Variants in SMAP1 observed in about 807,000 individuals in gnomAD.
SMAP1 encodes the protein small ArfGAP 1.
A neutral mutation model predicts 58.5 loss-of-function variants in SMAP1; 24 were observed. That is an observed-to-expected ratio of 0.41 (90% CI 0.30 to 0.58). The LOEUF (loss-of-function observed/expected upper bound fraction) is 0.58, where lower values mean the gene tolerates loss of function less well. SMAP1 is among the 20% of genes least tolerant of loss of function. SMAP1 has a pLI of 0.29. For missense variants in SMAP1, 563 were observed against 566.3 expected (o/e 0.99, Z 0.06); for synonymous variants, 216 against 196.6 (o/e 1.10, Z -0.82).
intron 4 of SMAP1, among the ~76,000 whole-genome samples, chr6:70,778,542 A>T (rs944828861): frequency 6.6e-6 from 1 of 152,250 alleles, no homozygotes; most frequent in South Asian, 2.1e-4. Context: ...CCATTTATGC[A>T]TGCTTGGGAT....
At chr6:70,842,421 G>A (rs1034958834) in intron 7 of SMAP1, among the ~76,000 whole-genome samples, 3 of 152,190 alleles carry the variant, frequency 2.0e-5, no homozygotes, top group African/African-American at 7.2e-5. Context: ...TCCTGAGTCA[G>A]TAGTAGGGCA....
intron 1 of SMAP1, among the ~76,000 whole-genome samples, chr6:70,672,227 A>G (rs1766295946): frequency 6.6e-6 from 1 of 152,220 alleles, no homozygotes; most frequent in Non-Finnish European, 1.5e-5. Context: ...TGGTTTTAAG[A>G]AATAACTACC....
At chr6:70,837,466 G>A (rs951136924) in intron 7 of SMAP1, among the ~76,000 whole-genome samples, 1 of 151,984 alleles carries the variant, frequency 6.6e-6, no homozygotes, top group Non-Finnish European at 1.5e-5. Flanking sequence ...GTTAACTGAA[G>A]CAACACATTT....
chr6:70,767,404 G>A (rs182325468), intron 3 of SMAP1, among the ~76,000 whole-genome samples: 21 of 152,268 alleles, frequency 1.4e-4, no homozygotes, highest in African/African-American at 4.8e-4. Flanking sequence ...CCATTTGTTT[G>A]TATTCTCTTT....
chr6:70,778,517 T>C (rs952236912), intron 4 of SMAP1, among the ~76,000 whole-genome samples: 1 of 152,252 alleles, frequency 6.6e-6, no homozygotes, highest in Non-Finnish European at 1.5e-5. Context: ...CATTTATTGA[T>C]TTGTATATGT....
chr6:70,836,567 A>C (rs1048253528), intron 6 of SMAP1, among the ~76,000 whole-genome samples: 2 of 152,248 alleles, frequency 1.3e-5, no homozygotes, highest in Non-Finnish European at 2.9e-5. Flanking sequence ...GATCTACAAG[A>C]TGAAATTTGA....
intron 4 of SMAP1, among the ~76,000 whole-genome samples, chr6:70,784,580 T>A (rs1312007627): frequency 6.6e-6 from 1 of 152,084 alleles, no homozygotes; most frequent in Non-Finnish European, 1.5e-5. Context: ...GAGACACACA[T>A]AGGCTCAACA....
rs984956982 is a variant in SMAP1 at position 70,755,082 on chromosome 6, A to T, written c.338+17A>T. The T allele has an allele frequency of 7.6e-6, 12 of 1,574,492 alleles. No individual in the cohort carries two copies. In the African/African-American group the frequency reaches 1.4e-4, roughly 18 times the overall value. On this transcript the variant is annotated intron_variant, in intron 3 of 10. Transcript: ENST00000370455. The stretch of plus-strand genomic sequence containing the variant: ...GACAGATCAGTATCCTTTAAAACTT[A>T]TTTGTTTTGAGTTTAAAAAACATTA...
chr6:70,680,841 C>G (rs1416080547), intron 1 of SMAP1, among the ~76,000 whole-genome samples: 1 of 149,586 alleles, frequency 6.7e-6, no homozygotes, highest in Non-Finnish European at 1.5e-5. Flanking sequence ...ACCTCAGCCT[C>G]TCAAGTAGCT....
chr6:70,743,694 C>T (rs1158138838), intron 2 of SMAP1, among the ~76,000 whole-genome samples: 1 of 152,114 alleles, frequency 6.6e-6, no homozygotes, highest in Non-Finnish European at 1.5e-5. Context: ...CAAATTAGGG[C>T]CTCAGGTATA....
At chr6:70,712,726 A>G (rs1409751357) in intron 1 of SMAP1, among the ~76,000 whole-genome samples, 1 of 150,568 alleles carries the variant, frequency 6.6e-6, no homozygotes, top group Admixed American at 6.6e-5. Context: ...ATTGGCACCT[A>G]GTTGTTTATA....
chr6:70,778,987 G>A (rs1194340404), intron 4 of SMAP1, among the ~76,000 whole-genome samples: 3 of 152,214 alleles, frequency 2.0e-5, no homozygotes, highest in Admixed American at 2.0e-4. Flanking sequence ...CAGGTCCCTG[G>A]GCAGCATGTG....
chr6:70,747,805 A>T (rs554455767), intron 2 of SMAP1, among the ~76,000 whole-genome samples: 8 of 152,174 alleles, frequency 5.3e-5, no homozygotes, highest in Admixed American at 4.6e-4. Flanking sequence ...TGCTTACAAA[A>T]AAGAATACAT....
intron 7 of SMAP1, among the ~76,000 whole-genome samples, chr6:70,840,899 TTAAAA>T (rs2150001336): frequency 6.6e-6 from 1 of 152,294 alleles, no homozygotes; most frequent in South Asian, 2.1e-4. Flanking sequence ...ACGTCCTATG[TTAAAA>T]TAGAATTAAA....
intron 6 of SMAP1, among the ~76,000 whole-genome samples, chr6:70,831,865 T>G (rs2149993016): frequency 6.6e-6 from 1 of 152,338 alleles, no homozygotes; most frequent in South Asian, 2.1e-4. Context: ...ATGACTGGAC[T>G]AATTTACATT....
At chr6:70,768,294 T>C (rs1214196022) in intron 3 of SMAP1, among the ~76,000 whole-genome samples, 2 of 152,334 alleles carry the variant, frequency 1.3e-5, no homozygotes, top group Non-Finnish European at 2.9e-5. Flanking sequence ...TCCCTCTTTT[T>C]CTATTGATTG....
chr6:70,763,178 C>T (rs1198397892), intron 3 of SMAP1, among the ~76,000 whole-genome samples: 1 of 133,634 alleles, frequency 7.5e-6, no homozygotes, highest in Non-Finnish European at 1.5e-5. Flanking sequence ...TCTGTTGGCG[C>T]CATATTTTCC....
chr6:70,831,582 T>A (rs1173703319), intron 6 of SMAP1, among the ~76,000 whole-genome samples: 1 of 152,222 alleles, frequency 6.6e-6, no homozygotes, highest in Non-Finnish European at 1.5e-5. Context: ...TCAGTGTTGC[T>A]GCAGAGGACA....
intron 4 of SMAP1, among the ~76,000 whole-genome samples, chr6:70,779,979 G>C (rs1449398697): frequency 6.6e-6 from 1 of 152,178 alleles, no homozygotes; most frequent in South Asian, 2.1e-4. Context: ...AGCTGCATCT[G>C]GTGGCAGGCT....
Sources: gnomAD v4.1 joint callset for allele counts (sites outside exome capture counted in the v4.1 genomes callset) on GRCh38, gnomAD v4.1.1 for gene constraint, MANE v1.5 for transcripts, NCBI Gene and HGNC (gene_info 2026-07-23, HGNC 2026-07-21) for gene names.